The following MACROD2 variants were observed in gnomAD, a reference collection of about 807,000 sequenced individuals.
MACROD2 encodes the protein mono-ADP ribosylhydrolase 2.
MACROD2 carries 36 observed loss-of-function variants against 70.4 expected under a neutral mutation model. The observed-to-expected ratio is 0.51, with a 90% CI of 0.39 to 0.68. The LOEUF is 0.68. Among genes scored for constraint, MACROD2 ranks in the 30% least tolerant of loss-of-function variants. MACROD2 has a pLI of 0.00. For synonymous variants in MACROD2, 172 were observed against 178.8 expected (o/e 0.96, Z 0.30); for missense variants, 496 against 538.4 (o/e 0.92, Z 0.78).
At chr20:14,615,605 G>T (rs927291336) in intron 4 of MACROD2, among the ~76,000 whole-genome samples, 1 of 152,062 alleles carries the variant, frequency 6.6e-6, no homozygotes, top group Non-Finnish European at 1.5e-5. Context: ...GTATAGATTT[G>T]TGGAGAAGCC....
chr20:15,720,223 A>G (rs972558178), intron 8 of MACROD2, among the ~76,000 whole-genome samples: 1 of 152,162 alleles, frequency 6.6e-6, no homozygotes, highest in Non-Finnish European at 1.5e-5. Flanking sequence ...GGTTAATTCC[A>G]TATCTTGACT....
intron 10 of MACROD2, among the ~76,000 whole-genome samples, chr20:15,920,280 A>G (rs148767370): frequency 5.6e-4 from 85 of 152,294 alleles, no homozygotes; most frequent in Non-Finnish European, 8.5e-4. Flanking sequence ...AGGGCCCACA[A>G]TAGGCTATAT....
intron 5 of MACROD2, among the ~76,000 whole-genome samples, chr20:15,085,265 A>G (rs2075738040): frequency 6.6e-6 from 1 of 152,158 alleles, no homozygotes. Context: ...ACCTAAATGT[A>G]AGAGCCAAAA....
intron 3 of MACROD2, among the ~76,000 whole-genome samples, chr20:14,216,257 A>G (rs2081621771): frequency 6.6e-6 from 1 of 151,988 alleles, no homozygotes; most frequent in Non-Finnish European, 1.5e-5. Context: ...ATTTGTTGAA[A>G]AGGGTGTCCT....
intron 5 of MACROD2, among the ~76,000 whole-genome samples, chr20:14,900,466 AT>A (rs2073881820): frequency 6.6e-6 from 1 of 152,110 alleles, no homozygotes; most frequent in South Asian, 2.1e-4. Flanking sequence ...AAATATTTTT[AT>A]TACAAGTCAA....
intron 3 of MACROD2, among the ~76,000 whole-genome samples, chr20:14,484,360 C>A (rs1405209902): frequency 6.6e-6 from 1 of 151,906 alleles, no homozygotes; most frequent in Non-Finnish European, 1.5e-5. Flanking sequence ...TTATTTGATA[C>A]AGGCATGCAG....
intron 10 of MACROD2, among the ~76,000 whole-genome samples, chr20:15,903,038 G>C (rs952471436): frequency 6.6e-6 from 1 of 152,130 alleles, no homozygotes; most frequent in Non-Finnish European, 1.5e-5. Context: ...AGCATAAAGG[G>C]GTAAGCCAGG....
chr20:15,526,166 G>A (rs1169021374), intron 8 of MACROD2, among the ~76,000 whole-genome samples: 1 of 152,110 alleles, frequency 6.6e-6, no homozygotes, highest in Non-Finnish European at 1.5e-5. Flanking sequence ...CTTTCCTTCA[G>A]GTCCATCTAG....
chr20:15,967,537 G>C lies in MACROD2; in HGVS notation c.908-16G>C. On this transcript the variant is annotated splice_polypyrimidine_tract_variant and intron_variant, in intron 12 of 17. Transcript: ENST00000684519. ...GTTAAAAATGCTGACCAAAGGTTTT[G>C]CTTGTTTGTTGTTAGATTTTGCAAA... 1 of 1,605,630 alleles carries C rather than the reference G, an allele frequency of 6.2e-7. No individual in the cohort carries two copies. The highest frequency in any genetic ancestry group is 1.1e-5 in the South Asian group (1 of 89,414).
intron 4 of MACROD2, among the ~76,000 whole-genome samples, chr20:14,631,462 T>C (rs537543220): frequency 1.1e-4 from 16 of 152,196 alleles, no homozygotes; most frequent in Admixed American, 4.6e-4. Flanking sequence ...TAAAAGCCTA[T>C]TGGATCTTTA....
At chr20:14,834,528 C>G (rs1335556446) in intron 5 of MACROD2, among the ~76,000 whole-genome samples, 1 of 151,872 alleles carries the variant, frequency 6.6e-6, no homozygotes, top group Non-Finnish European at 1.5e-5. Context: ...CGAAGGGACC[C>G]ATTAAGTGTA....
At chr20:16,013,251 TA>T (rs1163551081) in intron 15 of MACROD2, among the ~76,000 whole-genome samples, 1 of 152,114 alleles carries the variant, frequency 6.6e-6, no homozygotes, top group Non-Finnish European at 1.5e-5. Context: ...ATAAGTAATA[TA>T]TATCACCATT....
intron 8 of MACROD2, among the ~76,000 whole-genome samples, chr20:15,527,675 C>G (rs932478471): frequency 6.6e-6 from 1 of 152,140 alleles, no homozygotes; most frequent in Admixed American, 6.5e-5. Flanking sequence ...CCACTACTGG[C>G]CTCTGCATTT....
At chr20:15,325,700 G>A (rs376986509) in intron 6 of MACROD2, among the ~76,000 whole-genome samples, 90 of 152,230 alleles carry the variant, frequency 5.9e-4, no homozygotes, top group African/African-American at 2.1e-3. Flanking sequence ...TGTATCATTC[G>A]TGGCATGTCT....
intron 5 of MACROD2, among the ~76,000 whole-genome samples, chr20:15,090,631 G>A (rs2075785912): frequency 6.6e-6 from 1 of 152,090 alleles, no homozygotes; most frequent in Non-Finnish European, 1.5e-5. Flanking sequence ...TGAAAGAGCT[G>A]TTCAAAGTTT....
At chr20:16,043,991 C>T (rs774136324) in intron 16 of MACROD2, among the ~76,000 whole-genome samples, 21 of 152,064 alleles carry the variant, frequency 1.4e-4, no homozygotes, top group Non-Finnish European at 2.6e-4. Flanking sequence ...TCCTGCCCTC[C>T]CACAATGGGT....
chr20:15,545,014 T>C (rs1420324678), intron 8 of MACROD2, among the ~76,000 whole-genome samples: 1 of 152,196 alleles, frequency 6.6e-6, no homozygotes, highest in East Asian at 1.9e-4. Flanking sequence ...CTGCTAAATG[T>C]TTTCATTTAG....
intron 4 of MACROD2, among the ~76,000 whole-genome samples, chr20:14,566,043 G>A (rs1821355494): frequency 6.6e-6 from 1 of 151,822 alleles, no homozygotes; most frequent in Non-Finnish European, 1.5e-5. Flanking sequence ...TTCCTGCCAG[G>A]ACCCTGATAC....
intron 6 of MACROD2, among the ~76,000 whole-genome samples, chr20:15,401,719 G>A (rs893514178): frequency 6.6e-6 from 1 of 152,138 alleles, no homozygotes; most frequent in African/African-American, 2.4e-5. Context: ...ATAAATTACC[G>A]AGCCTGAATA....
Sources: allele counts gnomAD v4.1 joint callset (sites outside exome capture counted in the v4.1 genomes callset), GRCh38; gene constraint gnomAD v4.1.1; transcripts MANE v1.5; gene names NCBI Gene and HGNC (gene_info 2026-07-23, HGNC 2026-07-21).